CHRNB2: variants seen among roughly 807,000 people sequenced by gnomAD.
CHRNB2 encodes the protein cholinergic receptor nicotinic beta 2 subunit, also known as neuronal acetylcholine receptor subunit beta-2.
A neutral mutation model predicts 42.7 loss-of-function variants in CHRNB2; 33 were observed. The ratio of observed to expected loss-of-function variants is 0.77; its 90% confidence interval spans 0.59 to 1.03. The LOEUF (loss-of-function observed/expected upper bound fraction) is 1.03. Ranked by LOEUF, CHRNB2 falls within the 50% of genes least tolerant of loss-of-function variation. The pLI, the probability that CHRNB2 is intolerant of heterozygous loss-of-function variation, is 0.00. For missense variants in CHRNB2, 603 were observed against 700.9 expected (o/e 0.86, Z 1.58); for synonymous variants, 325 against 292.9 (o/e 1.11, Z -1.12).
Position 154,571,077 on chromosome 1 carries a change from T to C in CHRNB2, c.366-112T>C. On this transcript the variant is annotated intron_variant, in intron 4 of 5. Coordinates refer to ENST00000368476, the MANE Select transcript of CHRNB2 (RefSeq NM_000748.3). This position sits in a 1 kb window ranked among gnomAD's most constrained non-coding sequence, Gnocchi z 6.8. ...GGATGGTTACTCTCAGATCTGGGTGTCCCCTCCCCATGTCTCCCTCTGGTT... is the reference window on the plus strand; with the variant it reads ...GGATGGTTACTCTCAGATCTGGGTGCCCCCTCCCCATGTCTCCCTCTGGTT... The C allele has an allele frequency of 6.2e-7, 1 of 1,601,620 alleles. No individual in the cohort carries two copies.
intron 5 of CHRNB2, among the ~76,000 whole-genome samples, chr1:154,572,517 C>T (rs894279160): frequency 6.6e-6 from 1 of 152,074 alleles, no homozygotes; most frequent in Non-Finnish European, 1.5e-5. Context: ...CCCGAGAGTC[C>T]CTCCCCACCC....
chr1:154,572,162 G>C lies in CHRNB2; in HGVS notation c.1338+1G>C. ...GCGGAGCGAGGACGATGACCAGAGCGTGAGTGCCGCAGGCTGGGACCCCGG... is the reference window on the plus strand; with the variant it reads ...GCGGAGCGAGGACGATGACCAGAGCCTGAGTGCCGCAGGCTGGGACCCCGG... On this transcript the variant is annotated splice_donor_variant, in intron 5 of 5. Transcript: ENST00000368476. LOFTEE classifies it high-confidence loss of function. 1 of 1,537,076 alleles carries C rather than the reference G, an allele frequency of 6.5e-7. No homozygotes were observed. The highest frequency in any genetic ancestry group is 1.2e-5 in the South Asian group (1 of 83,992).
Position 154,571,893 on chromosome 1 carries a change from C to G in CHRNB2, c.1070C>G (p.Ala357Gly). ...ATGCAGCAGCCACGCCATCATTGCG[C>G]CCGTCAGCGCCTGCGCCTGCGGCGA... ...LFMQQPRHHC[A>G]RQRLRLRRRQ... Residue 357 changes from alanine (A) to glycine (G), a missense_variant, in exon 5 of 6, where the codon GCC (alanine) becomes GGC (glycine). By Grantham distance (60) the Ala-to-Gly change is moderately conservative (BLOSUM62 0). Coordinates refer to ENST00000368476, the MANE Select transcript of CHRNB2 (RefSeq NM_000748.3). This position sits in a 1 kb window ranked among gnomAD's most constrained non-coding sequence, Gnocchi z 6.8. 6.3e-7 allele frequency: 1 copy of G among 1,588,030 alleles called. No homozygotes were observed. The highest frequency in any genetic ancestry group is 8.5e-7 in the Non-Finnish European group (1 of 1,170,968).
chr1:154,570,180 C>A, intron 3 of CHRNB2, 78 bp from the exon 4 acceptor site: 1 of 937,438 alleles, frequency 1.1e-6, no homozygotes. Context: ...GCCATATGGG[C>A]CCCCTCTAGT....
intron 5 of CHRNB2, among the ~76,000 whole-genome samples, chr1:154,572,577 A>G (rs1360667779): frequency 6.6e-6 from 1 of 151,980 alleles, no homozygotes; most frequent in Non-Finnish European, 1.5e-5. Context: ...AGCTCTTAGC[A>G]CAAGTGATGA....
intron 4 of CHRNB2, 56 bp downstream of exon 4, chr1:154,570,423 G>T: frequency 9.5e-7 from 1 of 1,054,314 alleles, no homozygotes. Context: ...GAGGGAAGGG[G>T]TTCTGGGGAA....
In CHRNB2 at chr1:154,576,401, G is replaced by T; in HGVS notation, c.*469G>T. 1 of 273,086 alleles carries T rather than the reference G, an allele frequency of 3.7e-6. No individual in the cohort carries two copies. Among genetic ancestry groups the T allele is most frequent in the Non-Finnish European group, 7.2e-6 (1 of 138,146 alleles). The allele number at this position is 273,086 out of a possible 1,614,324, so 16.9% of individuals were successfully genotyped here. On this transcript the variant is annotated 3_prime_UTR_variant, in exon 6 of 6. Coordinates refer to ENST00000368476, the MANE Select transcript of CHRNB2 (RefSeq NM_000748.3). Reference sequence around the variant, plus strand: ...GAAGGGAGGGGAAGAGAGAGGCCTGGGTGTGACCTGACACCTGCCGCTGCT... The same window carrying T: ...GAAGGGAGGGGAAGAGAGAGGCCTGTGTGTGACCTGACACCTGCCGCTGCT...
At chr1:154,568,695 G>T (rs1696106389) in intron 1 of CHRNB2, among the ~76,000 whole-genome samples, 1 of 151,980 alleles carries the variant, frequency 6.6e-6, no homozygotes, top group Non-Finnish European at 1.5e-5. Context: ...GATGGGGAGG[G>T]GTGTGTTCGT....
rs55685423 is a variant in CHRNB2, at chr1:154,572,014, G to C, written c.1191G>C (p.Gln397His). The C allele has an allele frequency of 0.011, 17,612 of 1,533,948 alleles. 121 individuals are homozygous for C. The highest frequency in any genetic ancestry group is 0.014 in the Non-Finnish European group (16,272 of 1,144,954). The change falls in exon 5 of 6, where the codon CAG becomes CAC. Residue 397 changes from glutamine to histidine, a missense_variant. Physicochemically the swap from Gln to His is conservative, Grantham distance 24. Around this residue, in one of 2 missense-constraint regions of CHRNB2, gnomAD observed 270 missense variants for 248.3 expected, o/e 1.09. Transcript: ENST00000368476. Reference sequence around the variant, plus strand: ...GCTTCGTCAACCGCGCGTCGGTGCAGGGGTTGGCCGGGGCCTTCGGGGCTG... The same window carrying C: ...GCTTCGTCAACCGCGCGTCGGTGCACGGGTTGGCCGGGGCCTTCGGGGCTG... ...CTCFVNRASV[Q>H]GLAGAFGAEP...
At chr1:154,568,224 G>T (rs1696097023) in intron 1 of CHRNB2, 116 bp downstream of exon 1, 1 of 1,277,296 alleles carries the variant, frequency 7.8e-7, no homozygotes, top group South Asian at 1.3e-5. Flanking sequence ...TTCCCTAGAG[G>T]TGGGGGAGTC....
chr1:154,571,447 G>A lies in CHRNB2; in HGVS notation c.624G>A (p.Leu208=). Residue 208 remains leucine, a synonymous_variant, in exon 5 of 6, where the codon CTG becomes CTA. Coordinates refer to ENST00000368476, the MANE Select transcript of CHRNB2 (RefSeq NM_000748.3). This position sits in a 1 kb window ranked among gnomAD's most constrained non-coding sequence, Gnocchi z 6.8. ...GTGGTGAGTGGGACATCGTGGCGCT[G>A]CCGGGCCGGCGCAACGAGAACCCCG... ...TPSGEWDIVA[L]PGRRNENPDD... The A allele has an allele frequency of 6.2e-7, 1 of 1,614,138 alleles. No individual in the cohort carries two copies. The highest frequency in any genetic ancestry group is 8.5e-7 in the Non-Finnish European group (1 of 1,180,026).
At position 154,569,383 on chromosome 1, in the gene CHRNB2, C is replaced by G. The variant is rs1025568597; in HGVS notation, c.65-79C>G. 5.7e-6 allele frequency: 9 copies of G among 1,570,610 alleles called. No homozygotes were observed. The Admixed American group carries it at 1.6e-4, about 27-fold the overall frequency. ...GAGATACTGGTTGGGCCTGGATTGT[C>G]CCATTTGCCTGGGGAGGGTGGGATG... On this transcript the variant is annotated intron_variant, in intron 1 of 5. Transcript: ENST00000368476.
rs1266669693 is a variant in CHRNB2 at position 154,571,078 on chromosome 1, C to T, written c.366-111C>T. 36 of 1,599,818 alleles carry T rather than the reference C, an allele frequency of 2.3e-5. No individual in the cohort carries two copies. The highest frequency in any genetic ancestry group is 2.6e-5 in the Non-Finnish European group (31 of 1,176,636). The stretch of plus-strand genomic sequence containing the variant: ...GATGGTTACTCTCAGATCTGGGTGT[C>T]CCCTCCCCATGTCTCCCTCTGGTTT... On this transcript the variant is annotated intron_variant, in intron 4 of 5. Transcript: ENST00000368476. The surrounding 1 kb of genome is among the most constrained non-coding windows in gnomAD (Gnocchi z 6.8).
rs56146528 is a variant in CHRNB2, at chr1:154,572,186, G to C, written c.1338+25G>C. ...CGTGAGTGCCGCAGGCTGGGACCCCGGGCGTGAGATATGGGGTCTGCCAGG... is the reference window on the plus strand; with the variant it reads ...CGTGAGTGCCGCAGGCTGGGACCCCCGGCGTGAGATATGGGGTCTGCCAGG... On this transcript the variant is annotated intron_variant, in intron 5 of 5. Transcript: ENST00000368476. 1.9e-4 allele frequency: 288 copies of C among 1,535,714 alleles called. 1 individual carries two copies. The highest frequency in any genetic ancestry group is 2.4e-4 in the Non-Finnish European group (270 of 1,146,600).
intron 5 of CHRNB2, among the ~76,000 whole-genome samples, chr1:154,573,146 G>A (rs1696209902): frequency 6.6e-6 from 1 of 152,172 alleles, no homozygotes; most frequent in Non-Finnish European, 1.5e-5. Flanking sequence ...CTGAAGCTTG[G>A]ACCAGGGAGC....
At position 154,571,488 on chromosome 1, in the gene CHRNB2, T is replaced by C. The variant is rs757059194; in HGVS notation, c.665T>C (p.Val222Ala). 6.2e-7 allele frequency: 1 copy of C among 1,614,022 alleles called. No individual in the cohort carries two copies. Among genetic ancestry groups the C allele is most frequent in the Admixed American group, 1.7e-5 (1 of 60,026 alleles). ...GAGAACCCCGACGACTCTACGTACG[T>C]GGACATCACGTATGACTTCATCATT... The part of the protein sequence containing the change: ...RNENPDDSTY[V>A]DITYDFIIRR... Residue 222 changes from valine (V) to alanine (A), a missense_variant, in exon 5 of 6, where the codon GTG becomes GCG. Coordinates refer to ENST00000368476, the MANE Select transcript of CHRNB2 (RefSeq NM_000748.3). This position sits in a 1 kb window ranked among gnomAD's most constrained non-coding sequence, Gnocchi z 6.8.
Position 154,576,038 on chromosome 1 carries a change from C to G in CHRNB2, c.*106C>G. On this transcript the variant is annotated 3_prime_UTR_variant, in exon 6 of 6. Transcript: ENST00000368476. ...CTACCAGGAAGAGGGGCGCTGCCCC[C>G]ACAGATCCATCCTTTTGCTTCATCT... 1.4e-6 allele frequency: 2 copies of G among 1,418,672 alleles called. No individual in the cohort carries two copies. Among genetic ancestry groups the G allele is most frequent in the Non-Finnish European group, 2.0e-6 (2 of 1,012,778 alleles). 87.9% of individuals were successfully genotyped at this position (1,418,672 alleles called of 1,614,324 possible).
rs1425795615 is a variant in CHRNB2, at chr1:154,569,563, G to C, written c.166G>C (p.Val56Leu). 6.2e-7 allele frequency: 1 copy of C among 1,614,004 alleles called. No homozygotes were observed. Among genetic ancestry groups the C allele is most frequent in the Non-Finnish European group, 8.5e-7 (1 of 1,180,020 alleles). The change falls in exon 2 of 6, where the codon GTG (valine) becomes CTG (leucine). Residue 56 changes from valine to leucine, a missense_variant. This residue lies in a region of CHRNB2 where 333 missense variants were observed against 452.6 expected (regional missense o/e 0.74). Coordinates refer to ENST00000368476, the MANE Select transcript of CHRNB2 (RefSeq NM_000748.3). ...CCCAGCCACCAATGGCTCTGAGCTG[G>C]TGACAGTACAGCTTATGGTGTCACT... ...IRPATNGSEL[V>L]TVQLMVSLAQ...
Position 154,572,053 on chromosome 1 carries a change from G to A in CHRNB2, c.1230G>A (p.Val410=). The change falls in exon 5 of 6, where the codon GTG becomes GTA. Residue 410 remains valine, a synonymous_variant. Coordinates refer to ENST00000368476, the MANE Select transcript of CHRNB2 (RefSeq NM_000748.3). The part of the protein sequence containing the change: ...AGAFGAEPAP[V]AGPGRSGEPC... ...CCTTCGGGGCTGAGCCTGCACCAGTGGCGGGCCCCGGGCGCTCAGGGGAGC... is the reference window on the plus strand; with the variant it reads ...CCTTCGGGGCTGAGCCTGCACCAGTAGCGGGCCCCGGGCGCTCAGGGGAGC... The A allele has an allele frequency of 1.3e-6, 2 of 1,534,032 alleles. No homozygotes were observed. Among genetic ancestry groups the A allele is most frequent in the Non-Finnish European group, 1.7e-6 (2 of 1,145,276 alleles).
Sources: allele counts gnomAD v4.1 joint callset (sites outside exome capture counted in the v4.1 genomes callset), GRCh38; gene constraint gnomAD v4.1.1; regional missense constraint gnomAD v4.1.1; non-coding constraint Gnocchi (gnomAD v3.1); transcripts MANE v1.5; gene names NCBI Gene and HGNC (gene_info 2026-07-23, HGNC 2026-07-21).